The following PPP1R12B variants were observed in gnomAD, a reference collection of about 807,000 sequenced individuals.
PPP1R12B encodes myosin phosphatase target subunit 2.
In PPP1R12B, 76 loss-of-function variants were observed where a neutral mutation model predicts 126.1. The observed-to-expected ratio is 0.60, with a 90% CI of 0.50 to 0.73. The LOEUF is 0.73. Ranked by LOEUF, PPP1R12B falls within the 30% of genes least tolerant of loss-of-function variation. The pLI, the probability that PPP1R12B is intolerant of heterozygous loss-of-function variation, is 0.00. For missense variants in PPP1R12B, 1,052 were observed against 1,205.1 expected, an observed-to-expected ratio of 0.87 and a Z score of 1.88; for synonymous variants, 356 against 434.7, an observed-to-expected ratio of 0.82 and a Z score of 2.25.
chr1:202,564,317 C>A, intron 20 of PPP1R12B, 126 bp from the exon 21 acceptor site: 1 of 602,904 alleles, frequency 1.7e-6, no homozygotes, highest in Non-Finnish European at 2.9e-6. Context: ...GCTCCCTACC[C>A]TTCCTTCATT....
intron 18 of PPP1R12B, among the ~76,000 whole-genome samples, chr1:202,519,745 C>T (rs1354643464): frequency 6.6e-6 from 1 of 152,026 alleles, no homozygotes; most frequent in Non-Finnish European, 1.5e-5. Context: ...CTGCATGCTC[C>T]TTAGTTTTTT....
At chr1:202,538,319 T>C (rs1260985228) in intron 18 of PPP1R12B, among the ~76,000 whole-genome samples, 1 of 152,244 alleles carries the variant, frequency 6.6e-6, no homozygotes, top group Non-Finnish European at 1.5e-5. Flanking sequence ...AGACACACTG[T>C]ATTCTGGTTT....
chr1:202,384,544 C>T (rs1239281723), intron 1 of PPP1R12B, among the ~76,000 whole-genome samples: 1 of 152,030 alleles, frequency 6.6e-6, no homozygotes, highest in Non-Finnish European at 1.5e-5. Flanking sequence ...TTGCTAAGGG[C>T]TTGGGGGAAG....
intron 1 of PPP1R12B, among the ~76,000 whole-genome samples, chr1:202,362,653 G>GTTTTTTTTTTTTTTTTT (rs143292643): frequency 6.9e-6 from 1 of 144,756 alleles, no homozygotes. Context: ...AAGGCCCAGG[G>GTTTTTTTTTTTTTTTTT]TTTTTGTTTT....
Position 202,586,791 on chromosome 1 carries a change from T to A in PPP1R12B, c.*6231T>A, listed in dbSNP as rs1429446154. The A allele has an allele frequency of 3.9e-5, 6 of 152,174 alleles. No homozygotes were observed. Among genetic ancestry groups the A allele is most frequent in the African/African-American group, 1.4e-4 (6 of 41,444 alleles). The allele number at this position is 152,174 out of a possible 1,614,324, so 9.4% of individuals were successfully genotyped here. A position where few individuals can be genotyped will look rare whatever the true frequency, so the allele number is the denominator to read the frequency against. The stretch of plus-strand genomic sequence containing the variant: ...CGGAAGCCCTCCTTCGGGAGAACTG[T>A]AAGTAAGAGGTGGGTGTGTCTAAAG... On this transcript the variant is annotated 3_prime_UTR_variant, in exon 24 of 24. Coordinates refer to ENST00000608999, the MANE Select transcript of PPP1R12B (RefSeq NM_002481.4).
chr1:202,381,393 T>C (rs1248081752), intron 1 of PPP1R12B, among the ~76,000 whole-genome samples: 1 of 145,978 alleles, frequency 6.9e-6, no homozygotes, highest in African/African-American at 2.6e-5. Context: ...TTGATGAGCT[T>C]TGGGGTGTGT....
At chr1:202,424,701 G>C (rs1669271821) in intron 3 of PPP1R12B, among the ~76,000 whole-genome samples, 1 of 152,106 alleles carries the variant, frequency 6.6e-6, no homozygotes, top group Non-Finnish European at 1.5e-5. Flanking sequence ...GAATGGGTAT[G>C]TTTGTATTTG....
At position 202,425,769 on chromosome 1, in the gene PPP1R12B, G is replaced by T. The variant is rs1288026249; in HGVS notation, c.701+44G>T. 18 of 1,552,046 alleles carry T rather than the reference G, an allele frequency of 1.2e-5. 2 individuals are homozygous for T. The South Asian group carries it at 2.0e-4, about 17-fold the overall frequency. ...AATCAGGAGTGGTTCACTGGGAGAA[G>T]ATGGAATAGGTTTTGGAAGCAGAGG... On this transcript the variant is annotated intron_variant, in intron 4 of 23. Transcript: ENST00000608999.
intron 13 of PPP1R12B, among the ~76,000 whole-genome samples, chr1:202,474,683 T>C (rs937032441): frequency 4.6e-5 from 7 of 152,188 alleles, no homozygotes; most frequent in African/African-American, 1.2e-4. Context: ...TTAATTGGAT[T>C]CTCGGGACTT....
intron 10 of PPP1R12B, chr1:202,438,335 G>A: frequency 8.3e-7 from 1 of 1,204,774 alleles, no homozygotes; most frequent in Admixed American, 2.0e-5. Flanking sequence ...GGCGGAGGGG[G>A]GCACAGGACC....
rs2148660722 is a variant in PPP1R12B at position 202,430,758 on chromosome 1, A to G, written c.949A>G (p.Lys317Glu). 1.9e-6 allele frequency: 3 copies of G among 1,613,492 alleles called. No individual in the cohort carries two copies. In the East Asian group the frequency reaches 6.7e-5, roughly 36 times the overall value. The change falls in exon 7 of 24, where the codon AAA becomes GAA. Residue 317 changes from lysine (K) to glutamate (E), a missense_variant. Physicochemically the swap from Lys to Glu is moderately conservative, Grantham distance 56. Coordinates refer to ENST00000608999, the MANE Select transcript of PPP1R12B (RefSeq NM_002481.4). ...VLRSEKETRN[K>E]LIESDLNSKI... ...TCGAAGTGAAAAGGAGACACGGAATAAACTCATTGAGTCAGATCTGAACAG... is the reference window on the plus strand; with the variant it reads ...TCGAAGTGAAAAGGAGACACGGAATGAACTCATTGAGTCAGATCTGAACAG...
At chr1:202,437,161 C>T (rs1670935253) in intron 9 of PPP1R12B, among the ~76,000 whole-genome samples, 1 of 151,930 alleles carries the variant, frequency 6.6e-6, no homozygotes, top group Non-Finnish European at 1.5e-5. Context: ...GAGACCTTGT[C>T]TCTACTAAAA....
chr1:202,580,634 T>A lies in PPP1R12B; in HGVS notation c.*74T>A. ...CCACCCCTCTTTTCCAGTCCTTGCCTTCCAACCAAAAGAAATGGATGTTTT... is the reference window on the plus strand; with the variant it reads ...CCACCCCTCTTTTCCAGTCCTTGCCATCCAACCAAAAGAAATGGATGTTTT... On this transcript the variant is annotated 3_prime_UTR_variant, in exon 24 of 24. Transcript: ENST00000608999. 7.9e-7 allele frequency: 1 copy of A among 1,268,352 alleles called. No homozygotes were observed. The highest frequency in any genetic ancestry group is 1.1e-6 in the Non-Finnish European group (1 of 870,462). 78.6% of individuals were successfully genotyped at this position (1,268,352 alleles called of 1,614,324 possible). A position where few individuals can be genotyped will look rare whatever the true frequency, so the allele number is the denominator to read the frequency against.
At chr1:202,379,235 C>T (rs1402701433) in intron 1 of PPP1R12B, among the ~76,000 whole-genome samples, 2 of 152,176 alleles carry the variant, frequency 1.3e-5, no homozygotes, top group Admixed American at 6.6e-5. Flanking sequence ...CCTGTTTTCT[C>T]TTCTTGAAAA....
intron 1 of PPP1R12B, among the ~76,000 whole-genome samples, chr1:202,371,865 T>C (rs866674094): frequency 2.1e-5 from 3 of 143,008 alleles, no homozygotes; most frequent in Non-Finnish European, 3.1e-5. Context: ...TTTCTTTTTT[T>C]TTTTTTTTTT....
chr1:202,571,308 A>G (rs1182314753), intron 23 of PPP1R12B, among the ~76,000 whole-genome samples: 1 of 152,200 alleles, frequency 6.6e-6, no homozygotes, highest in Non-Finnish European at 1.5e-5. Context: ...AGATTATAAG[A>G]TACGAAAGTG....
chr1:202,563,324 C>A (rs144064731), intron 20 of PPP1R12B, among the ~76,000 whole-genome samples: 56 of 152,138 alleles, frequency 3.7e-4, no homozygotes, highest in Non-Finnish European at 6.8e-4. Flanking sequence ...ACTATATTGC[C>A]CAGGCTGGTC....
chr1:202,416,881 A>C lies in PPP1R12B; in HGVS notation c.386A>C (p.His129Pro), dbSNP rs1418625667. ...GACAACGAGGGCTGGACACCCCTTCATGCAGCAGCTTCCTGTGGCTATCTC... is the reference window on the plus strand; with the variant it reads ...GACAACGAGGGCTGGACACCCCTTCCTGCAGCAGCTTCCTGTGGCTATCTC... ...QQDNEGWTPL[H>P]AAASCGYLNI... The change falls in exon 2 of 24, where the codon CAT becomes CCT. Residue 129 changes from histidine to proline, a missense_variant. Physicochemically the swap from His to Pro is moderately conservative, Grantham distance 77. Transcript: ENST00000608999. The C allele has an allele frequency of 2.5e-6, 4 of 1,613,950 alleles. No individual in the cohort carries two copies. The highest frequency in any genetic ancestry group is 3.4e-6 in the Non-Finnish European group (4 of 1,179,932).
intron 1 of PPP1R12B, among the ~76,000 whole-genome samples, chr1:202,397,203 A>G (rs376877445): frequency 6.6e-5 from 10 of 152,330 alleles, no homozygotes; most frequent in African/African-American, 2.4e-4. Context: ...TACTGCACTG[A>G]AACATTTCAA....
Sources: allele counts gnomAD v4.1 joint callset (sites outside exome capture counted in the v4.1 genomes callset), GRCh38; gene constraint gnomAD v4.1.1; transcripts MANE v1.5; gene names NCBI Gene and HGNC (gene_info 2026-07-23, HGNC 2026-07-21).